Variants in ENOX1 observed in about 807,000 individuals in gnomAD.
ENOX1 encodes ecto-NOX disulfide-thiol exchanger 1, also known as candidate growth-related and time keeping constitutive hydroquinone (NADH) oxidase.
In ENOX1, 42 loss-of-function variants were observed where a neutral mutation model predicts 82.5. The observed-to-expected ratio is 0.51, with a 90% CI of 0.40 to 0.66. ENOX1 has a LOEUF of 0.66. Among genes scored for constraint, ENOX1 ranks in the 30% least tolerant of loss-of-function variants. ENOX1 has a pLI of 0.00. For missense variants in ENOX1, 608 were observed against 811.6 expected (o/e 0.75, Z 3.05); for synonymous variants, 271 against 282.2 (o/e 0.96, Z 0.40).
chr13:43,312,639 T>C (rs2047270887), intron 11 of ENOX1, among the ~76,000 whole-genome samples: 1 of 152,208 alleles, frequency 6.6e-6, no homozygotes. Flanking sequence ...CCCTATGCAC[T>C]TCACCTCTTC....
intron 1 of ENOX1, among the ~76,000 whole-genome samples, chr13:43,712,305 T>C (rs912379734): frequency 1.2e-4 from 18 of 151,148 alleles, no homozygotes; most frequent in Non-Finnish European, 1.6e-4. Context: ...ACCAGTACCA[T>C]GCTGTTTTGG....
intron 1 of ENOX1, among the ~76,000 whole-genome samples, chr13:43,709,539 CAA>C (rs1270612800): frequency 3.3e-5 from 5 of 151,172 alleles, no homozygotes; most frequent in South Asian, 2.1e-4. Context: ...AAAAGGGAAA[CAA>C]TGATGAGGGC....
At chr13:43,394,007 G>A (rs2052974234) in intron 5 of ENOX1, among the ~76,000 whole-genome samples, 1 of 152,054 alleles carries the variant, frequency 6.6e-6, no homozygotes, top group Admixed American at 6.6e-5. Context: ...TTGCTATGTG[G>A]GCATACCTAC....
intron 1 of ENOX1, among the ~76,000 whole-genome samples, chr13:43,737,302 C>A (rs2089680808): frequency 6.6e-6 from 1 of 152,210 alleles, no homozygotes. Context: ...ACATATCTAA[C>A]ATGGAGCACT....
intron 3 of ENOX1, among the ~76,000 whole-genome samples, chr13:43,463,483 AAG>A (rs1390150872): frequency 6.6e-6 from 1 of 152,336 alleles, no homozygotes; most frequent in South Asian, 2.1e-4. Flanking sequence ...AGTGCCTGGG[AAG>A]AGCTGGGCCA....
At chr13:43,748,259 A>G (rs1342412522) in intron 1 of ENOX1, among the ~76,000 whole-genome samples, 2 of 152,184 alleles carry the variant, frequency 1.3e-5, no homozygotes, top group East Asian at 3.9e-4. Flanking sequence ...ACTACCAAAG[A>G]TGTCCCTAGC....
chr13:43,622,607 G>A (rs940355352), intron 2 of ENOX1, among the ~76,000 whole-genome samples: 1 of 152,154 alleles, frequency 6.6e-6, no homozygotes, highest in Admixed American at 6.5e-5. Flanking sequence ...ACCATCTATG[G>A]GTCTCTCAGC....
chr13:43,320,236 T>G (rs977889438), intron 11 of ENOX1, among the ~76,000 whole-genome samples: 1 of 152,216 alleles, frequency 6.6e-6, no homozygotes, highest in African/African-American at 2.4e-5. Flanking sequence ...CCACATTCTC[T>G]GGTCCATCTC....
At chr13:43,330,723 T>G (rs1050544171) in intron 9 of ENOX1, among the ~76,000 whole-genome samples, 1 of 152,156 alleles carries the variant, frequency 6.6e-6, no homozygotes, top group Non-Finnish European at 1.5e-5. Context: ...TAAATGACCT[T>G]AAGGGCAGGA....
intron 8 of ENOX1, among the ~76,000 whole-genome samples, chr13:43,354,102 A>C (rs1027744564): frequency 6.6e-6 from 1 of 152,220 alleles, no homozygotes; most frequent in African/African-American, 2.4e-5. Context: ...GTCTGTGTAG[A>C]TCATAATCTG....
intron 11 of ENOX1, among the ~76,000 whole-genome samples, chr13:43,299,618 G>T (rs923559632): frequency 6.6e-6 from 1 of 152,100 alleles, no homozygotes; most frequent in African/African-American, 2.4e-5. Context: ...ATTACCATCG[G>T]TCCATGTGTT....
chr13:43,536,647 G>A (rs2078473585), intron 2 of ENOX1, among the ~76,000 whole-genome samples: 1 of 152,134 alleles, frequency 6.6e-6, no homozygotes, highest in African/African-American at 2.4e-5. Context: ...GCACAGAAGT[G>A]TCTGCATGAC....
At chr13:43,557,353 G>A (rs190575017) in intron 2 of ENOX1, among the ~76,000 whole-genome samples, 10 of 152,250 alleles carry the variant, frequency 6.6e-5, no homozygotes, top group African/African-American at 2.4e-4. Context: ...ATAGAAAAGG[G>A]GTTTCAGAAG....
chr13:43,292,925 C>T (rs1489223590), intron 12 of ENOX1, among the ~76,000 whole-genome samples: 1 of 152,038 alleles, frequency 6.6e-6, no homozygotes, highest in African/African-American at 2.4e-5. Flanking sequence ...ACCACAACCA[C>T]AGCCACTAGC....
intron 2 of ENOX1, among the ~76,000 whole-genome samples, chr13:43,588,638 C>T (rs544082013): frequency 2.0e-5 from 3 of 152,244 alleles, no homozygotes; most frequent in South Asian, 2.1e-4. Flanking sequence ...GCCTCTGAGC[C>T]GTGGTTTCCT....
intron 2 of ENOX1, among the ~76,000 whole-genome samples, chr13:43,653,153 G>A (rs1467730667): frequency 6.6e-6 from 1 of 152,210 alleles, no homozygotes. Context: ...TACTGGAGGT[G>A]TGTTTATCAC....
chr13:43,546,101 G>A (rs9533523), intron 2 of ENOX1: 57,906 of 152,118 alleles, frequency 0.38, 13,594 homozygotes, highest in Non-Finnish European at 0.53. Context: ...CTAGGAATAC[G>A]GTGCTGAATA....
intron 2 of ENOX1, among the ~76,000 whole-genome samples, chr13:43,616,077 T>C (rs1271738829): frequency 7.4e-6 from 1 of 135,240 alleles, no homozygotes; most frequent in African/African-American, 2.7e-5. Context: ...TCTTTAAGTT[T>C]GACATTATAT....
intron 14 of ENOX1, among the ~76,000 whole-genome samples, chr13:43,257,774 G>T (rs2043833124): frequency 6.6e-6 from 1 of 152,096 alleles, no homozygotes; most frequent in Non-Finnish European, 1.5e-5. Context: ...TTTATCTCTG[G>T]TAGGATTATC....
Sources: gnomAD v4.1 joint callset for allele counts (sites outside exome capture counted in the v4.1 genomes callset) on GRCh38, gnomAD v4.1.1 for gene constraint, MANE v1.5 for transcripts, NCBI Gene and HGNC (gene_info 2026-07-23, HGNC 2026-07-21) for gene names.